GPC5: variants seen among roughly 807,000 people sequenced by gnomAD.
GPC5 encodes the protein glypican 5.
GPC5 carries 47 observed loss-of-function variants against 53.9 expected under a neutral mutation model. The observed-to-expected ratio is 0.87, with a 90% CI of 0.69 to 1.11. The LOEUF (loss-of-function observed/expected upper bound fraction) is 1.11, where lower values mean the gene tolerates loss of function less well. Among genes scored for constraint, GPC5 ranks in the 50% most tolerant of loss-of-function variants. The probability of loss-of-function intolerance (pLI) is 0.00; values close to 1 mark genes in which losing one functional copy is unlikely to be tolerated. For synonymous variants in GPC5, 286 were observed against 263.3 expected, an observed-to-expected ratio of 1.09 and a Z score of -0.84; for missense variants, 748 against 713.1, an observed-to-expected ratio of 1.05 and a Z score of -0.56.
At chr13:91,462,730 T>G (rs916951434) in intron 2 of GPC5, among the ~76,000 whole-genome samples, 4 of 152,008 alleles carry the variant, frequency 2.6e-5, no homozygotes, top group African/African-American at 7.2e-5. Flanking sequence ...AAGTGTCCAT[T>G]GGTTCAAGAA....
At chr13:92,475,172 C>T (rs1879060558) in intron 7 of GPC5, among the ~76,000 whole-genome samples, 1 of 151,720 alleles carries the variant, frequency 6.6e-6, no homozygotes, top group Non-Finnish European at 1.5e-5. Flanking sequence ...TTAGGATTGA[C>T]TTGGCGATGC....
intron 2 of GPC5, among the ~76,000 whole-genome samples, chr13:91,579,264 T>C (rs1174518463): frequency 2.0e-5 from 3 of 152,218 alleles, no homozygotes; most frequent in African/African-American, 7.2e-5. Context: ...TGGCCCGGCA[T>C]GTCCTTTCAG....
chr13:92,296,864 T>C (rs1325416513), intron 7 of GPC5, among the ~76,000 whole-genome samples: 2 of 152,212 alleles, frequency 1.3e-5, no homozygotes, highest in African/African-American at 4.8e-5. Context: ...CCACTGGCGC[T>C]GTGCTCGATT....
In GPC5 at chr13:92,059,913, C is replaced by T. The variant is rs545454972; in HGVS notation, c.1402-84917C>T. On this transcript the variant is annotated intron_variant, in intron 6 of 7. Coordinates refer to ENST00000377067, the MANE Select transcript of GPC5 (RefSeq NM_004466.6). ...ATGAGGGCTGTACTGCTAATGCCTA[C>T]GTAACATGCCCACATCAACTAGAGG... 5.9e-4 allele frequency: 90 copies of T among 151,620 alleles called. 1 individual carries two copies. Among genetic ancestry groups the T allele is most frequent in the African/African-American group, 2.1e-3 (87 of 41,266 alleles). The allele number at this position is 151,620 out of a possible 1,614,324, so 9.4% of individuals were successfully genotyped here. A position where few individuals can be genotyped will look rare whatever the true frequency, so the allele number is the denominator to read the frequency against.
chr13:91,877,815 C>T (rs1462261247), intron 5 of GPC5, among the ~76,000 whole-genome samples: 1 of 152,102 alleles, frequency 6.6e-6, no homozygotes, highest in Non-Finnish European at 1.5e-5. Flanking sequence ...TGTCCCTACC[C>T]AAATCTCATT....
At chr13:92,202,905 A>G (rs2042305076) in intron 7 of GPC5, among the ~76,000 whole-genome samples, 1 of 152,176 alleles carries the variant, frequency 6.6e-6, no homozygotes, top group Admixed American at 6.5e-5. Flanking sequence ...TATCATGTCA[A>G]CTTTTCAAGA....
At chr13:91,870,315 G>A (rs1418824326) in intron 5 of GPC5, among the ~76,000 whole-genome samples, 2 of 152,166 alleles carry the variant, frequency 1.3e-5, no homozygotes, top group African/African-American at 4.8e-5. Flanking sequence ...ACAAATGACA[G>A]CAATTCTTGT....
intron 7 of GPC5, among the ~76,000 whole-genome samples, chr13:92,390,319 A>G (rs1874935212): frequency 6.6e-6 from 1 of 152,198 alleles, no homozygotes; most frequent in African/African-American, 2.4e-5. Flanking sequence ...GTGGTAAACC[A>G]TCAGCCTATA....
intron 7 of GPC5, among the ~76,000 whole-genome samples, chr13:92,150,577 A>G (rs1371711445): frequency 6.6e-6 from 1 of 152,060 alleles, no homozygotes; most frequent in African/African-American, 2.4e-5. Context: ...ATATAAAATC[A>G]TCTTTCATTC....
chr13:92,666,534 A>G (rs1468744522), intron 7 of GPC5, among the ~76,000 whole-genome samples: 1 of 152,222 alleles, frequency 6.6e-6, no homozygotes, highest in Non-Finnish European at 1.5e-5. Context: ...ATGTTTATAC[A>G]TAGATCAATT....
At chr13:92,642,542 G>A (rs1017432002) in intron 7 of GPC5, among the ~76,000 whole-genome samples, 3 of 152,166 alleles carry the variant, frequency 2.0e-5, no homozygotes, top group East Asian at 3.9e-4. Flanking sequence ...GATTGAAGAG[G>A]ACGCCATCTC....
chr13:92,054,163 T>C (rs945815819), intron 6 of GPC5, among the ~76,000 whole-genome samples: 1 of 150,990 alleles, frequency 6.6e-6, no homozygotes, highest in East Asian at 1.9e-4. Flanking sequence ...TGTGTGTGTG[T>C]GTGTGTGTGT....
chr13:92,599,014 G>A (rs4460938), intron 7 of GPC5, among the ~76,000 whole-genome samples: 149,620 of 152,324 alleles, frequency 0.98, 73,549 homozygotes, highest in East Asian at 1. Context: ...ATTTAGTACT[G>A]TCTAATAATA....
At chr13:92,160,275 T>A (rs145023096) in intron 7 of GPC5, among the ~76,000 whole-genome samples, 2 of 152,190 alleles carry the variant, frequency 1.3e-5, no homozygotes, top group Non-Finnish European at 2.9e-5. Context: ...TTAAATTATA[T>A]CTAAAATGGT....
intron 6 of GPC5, among the ~76,000 whole-genome samples, chr13:91,981,292 CTTTTT>C (rs77671844): frequency 7.0e-6 from 1 of 142,418 alleles, no homozygotes. Flanking sequence ...GAGTTCTTAC[CTTTTT>C]TTTTTTTTTT....
intron 6 of GPC5, among the ~76,000 whole-genome samples, chr13:91,929,190 T>C (rs1464795629): frequency 6.6e-6 from 1 of 152,134 alleles, no homozygotes; most frequent in Non-Finnish European, 1.5e-5. Context: ...GCTTTATTCA[T>C]TTACTGTACA....
At chr13:91,458,292 G>C (rs1306280700) in intron 2 of GPC5, among the ~76,000 whole-genome samples, 1 of 152,050 alleles carries the variant, frequency 6.6e-6, no homozygotes, top group East Asian at 1.9e-4. Flanking sequence ...CAGGTCGTCT[G>C]GGGCCTGTTA....
At chr13:92,577,128 G>T (rs1883211333) in intron 7 of GPC5, among the ~76,000 whole-genome samples, 2 of 152,146 alleles carry the variant, frequency 1.3e-5, no homozygotes. Flanking sequence ...CATTGGGAAA[G>T]TCATGTGGGT....
chr13:91,679,327 C>G (rs1315863027), intron 2 of GPC5, among the ~76,000 whole-genome samples: 1 of 152,060 alleles, frequency 6.6e-6, no homozygotes, highest in East Asian at 1.9e-4. Flanking sequence ...AGTCCAGATG[C>G]TTAGATGGTT....
Sources: allele counts gnomAD v4.1 joint callset (sites outside exome capture counted in the v4.1 genomes callset), GRCh38; gene constraint gnomAD v4.1.1; transcripts MANE v1.5; gene names NCBI Gene and HGNC (gene_info 2026-07-23, HGNC 2026-07-21).